SLC25A16: variants seen among roughly 807,000 people sequenced by gnomAD.
SLC25A16 encodes the protein solute carrier family 25 member 16.
A neutral mutation model predicts 41.5 loss-of-function variants in SLC25A16; 39 were observed. The ratio of observed to expected loss-of-function variants is 0.94; its 90% CI spans 0.73 to 1.23. SLC25A16 has a LOEUF of 1.23. Ranked by LOEUF, SLC25A16 falls within the 50% of genes most tolerant of loss-of-function variation. The pLI is 0.00. For synonymous variants in SLC25A16, 146 were observed against 147.8 expected, an observed-to-expected ratio of 0.99 and a Z score of 0.09; for missense variants, 421 against 426.9, an observed-to-expected ratio of 0.99 and a Z score of 0.12.
chr10:68,516,926 C>T (rs938198918), intron 1 of SLC25A16, 83 bp from the exon 2 acceptor site: 6 of 1,171,846 alleles, frequency 5.1e-6, no homozygotes, highest in Non-Finnish European at 5.0e-6. Context: ...GCCAGCAAAC[C>T]CTCTAATCTC....
rs1182041425 is a variant in SLC25A16 at position 68,493,578 on chromosome 10, G to A, written c.422-8C>T. The stretch of plus-strand genomic sequence containing the variant: ...AGATAACTGCTGTCATACCTGAAAA[G>A]AAAGTAGAAATTTAGAGGTACAATG... On this transcript the variant is annotated splice_polypyrimidine_tract_variant and splice_region_variant and intron_variant, in intron 4 of 8. Transcript: ENST00000609923. The A allele has an allele frequency of 6.2e-7, 1 of 1,609,144 alleles. No homozygotes were observed. Among genetic ancestry groups the A allele is most frequent in the South Asian group, 1.1e-5 (1 of 90,794 alleles).
chr10:68,493,643 T>A (rs1229525203), intron 4 of SLC25A16, 73 bp from the exon 5 acceptor site: 1 of 1,162,992 alleles, frequency 8.6e-7, no homozygotes, highest in African/African-American at 1.5e-5. Flanking sequence ...TCATTAGTAT[T>A]ATTCTCAATA....
intron 2 of SLC25A16, among the ~76,000 whole-genome samples, chr10:68,511,749 G>A (rs1272701032): frequency 6.6e-6 from 1 of 152,086 alleles, no homozygotes; most frequent in South Asian, 2.1e-4. Flanking sequence ...CTGGAGTGCA[G>A]TGGCACAATC....
intron 1 of SLC25A16, among the ~76,000 whole-genome samples, chr10:68,523,897 G>A (rs564502077): frequency 3.3e-5 from 5 of 152,208 alleles, no homozygotes; most frequent in African/African-American, 9.6e-5. Context: ...CCACGGGTTC[G>A]AGACCAGCCT....
rs546269221 is a variant in SLC25A16 at position 68,503,823 on chromosome 10, G to A, written c.358-128C>T. 149 of 667,982 alleles carry A rather than the reference G, an allele frequency of 2.2e-4. 1 individual carries two copies. The highest frequency in any genetic ancestry group is 2.2e-3 in the African/African-American group (123 of 55,402). The allele number at this position is 667,982 out of a possible 1,614,324, so 41.4% of individuals were successfully genotyped here. Reference sequence around the variant, plus strand: ...AAGGAAATTAATAATAAATGTGAACGAAATGAGCACAATTAAATACAGCTT... The same window carrying A: ...AAGGAAATTAATAATAAATGTGAACAAAATGAGCACAATTAAATACAGCTT... On this transcript the variant is annotated intron_variant, in intron 3 of 8. Transcript: ENST00000609923.
chr10:68,483,332 G>C lies in SLC25A16; in HGVS notation c.*100C>G. ...AAAATACCAGTGGCTCTTGTGACAG[G>C]GTAAATATCCCCATTCAAGTAATGT... On this transcript the variant is annotated 3_prime_UTR_variant, in exon 9 of 9. Transcript: ENST00000609923. The C allele has an allele frequency of 1.3e-6, 1 of 756,414 alleles. No individual in the cohort carries two copies. Among genetic ancestry groups the C allele is most frequent in the Non-Finnish European group, 2.1e-6 (1 of 481,706 alleles). The allele number at this position is 756,414 out of a possible 1,614,324, so 46.9% of individuals were successfully genotyped here. A position where few individuals can be genotyped will look rare whatever the true frequency, so the allele number is the denominator to read the frequency against.
chr10:68,486,471 A>G (rs533151821), intron 8 of SLC25A16, among the ~76,000 whole-genome samples: 64 of 151,702 alleles, frequency 4.2e-4, no homozygotes, highest in African/African-American at 1.5e-3. Context: ...TCTGTCGCCA[A>G]ATTGGCTCAC....
chr10:68,520,747 G>A (rs548013445), intron 1 of SLC25A16, among the ~76,000 whole-genome samples: 1 of 150,660 alleles, frequency 6.6e-6, no homozygotes, highest in South Asian at 2.1e-4. Flanking sequence ...AGGAGGCAGA[G>A]GTTGCAGTGA....
In SLC25A16 at chr10:68,527,285, G is replaced by C. The variant is rs2053352893; in HGVS notation, c.91C>G (p.Arg31Gly). The C allele has an allele frequency of 5.8e-6, 9 of 1,548,336 alleles. No homozygotes were observed. Among genetic ancestry groups the C allele is most frequent in the South Asian group, 2.4e-5 (2 of 84,048 alleles). Reference sequence around the variant, plus strand: ...GAGCGCAGCCAGTAGAAGTCTCTGCGGGTTGTGGGCCCTCCGGCCCCTGCC... The same window carrying C: ...GAGCGCAGCCAGTAGAAGTCTCTGCCGGTTGTGGGCCCTCCGGCCCCTGCC... ...QAAGAGGPTT[R>G]RDFYWLRSFL... is the part of the protein sequence containing the mutation. The change falls in exon 1 of 9, where the codon CGC becomes GGC. Residue 31 changes from arginine to glycine, a missense_variant. Arg to Gly is a moderately radical substitution (Grantham distance 125). Coordinates refer to ENST00000609923, the MANE Select transcript of SLC25A16 (RefSeq NM_152707.4).
At chr10:68,484,693 TCC>T (rs1460705432) in intron 8 of SLC25A16, among the ~76,000 whole-genome samples, 2 of 152,076 alleles carry the variant, frequency 1.3e-5, no homozygotes, top group African/African-American at 4.8e-5. Flanking sequence ...CAAGTGAACC[TCC>T]CACCTCAGCC....
chr10:68,485,730 A>G (rs1486908016), intron 8 of SLC25A16, among the ~76,000 whole-genome samples: 1 of 150,880 alleles, frequency 6.6e-6, no homozygotes, highest in African/African-American at 2.4e-5. Flanking sequence ...GCTGGAGTAC[A>G]GTGGCGCCAT....
chr10:68,516,969 G>A lies in SLC25A16; in HGVS notation c.131-126C>T, dbSNP rs184514296. On this transcript the variant is annotated intron_variant, in intron 1 of 8. Transcript: ENST00000609923. ...GTCTCCATGAGTAAATCTGCCCACA[G>A]CGTATAGATATGCAGATGACTGGTC... 5 of 1,016,850 alleles carry A rather than the reference G, an allele frequency of 4.9e-6. No homozygotes were observed. In the Admixed American group the frequency reaches 1.1e-4, roughly 22 times the overall value. 63.0% of individuals were successfully genotyped at this position (1,016,850 alleles called of 1,614,324 possible). A position where few individuals can be genotyped will look rare whatever the true frequency, so the allele number is the denominator to read the frequency against.
At chr10:68,510,169 G>C in intron 2 of SLC25A16, among the ~76,000 whole-genome samples, 1 of 152,162 alleles carries the variant, frequency 6.6e-6, no homozygotes, top group South Asian at 2.1e-4. Flanking sequence ...ATAAAAAGTC[G>C]GAGTAGAAGT....
At chr10:68,521,134 A>C (rs1590129305) in intron 1 of SLC25A16, among the ~76,000 whole-genome samples, 1 of 86,698 alleles carries the variant, frequency 1.2e-5, no homozygotes, top group African/African-American at 5.9e-5. Context: ...CTCCGTCTCC[A>C]AAAAAAAAAG....
At position 68,483,531 on chromosome 10, in the gene SLC25A16, G is replaced by A; in HGVS notation, c.900C>T (p.Leu300=). The change falls in exon 9 of 9, where the codon CTC becomes CTT. Residue 300 remains leucine, a synonymous_variant. Coordinates refer to ENST00000609923, the MANE Select transcript of SLC25A16 (RefSeq NM_152707.4). ...TGTAATTAAGAGATAAACCACGATAGAGTCCTTTTCGAATTCCATGGTGTC... is the reference window on the plus strand; with the variant it reads ...TGTAATTAAGAGATAAACCACGATAAAGTCCTTTTCGAATTCCATGGTGTC... ...VYGHHGIRKG[L]YRGLSLNYIR... is the part of the protein sequence containing the mutation. 6.2e-7 allele frequency: 1 copy of A among 1,611,666 alleles called. No homozygotes were observed. Among genetic ancestry groups the A allele is most frequent in the African/African-American group, 1.3e-5 (1 of 75,000 alleles).
At chr10:68,485,523 A>T (rs1035925326) in intron 8 of SLC25A16, among the ~76,000 whole-genome samples, 8 of 151,242 alleles carry the variant, frequency 5.3e-5, no homozygotes, top group Non-Finnish European at 1.0e-4. Context: ...AGCTGGTATG[A>T]CAGGCACCTG....
intron 4 of SLC25A16, among the ~76,000 whole-genome samples, chr10:68,494,750 G>A (rs1205022755): frequency 3.6e-5 from 5 of 139,534 alleles, no homozygotes; most frequent in South Asian, 4.8e-4. Flanking sequence ...GGTGGCACGC[G>A]CCTGTAGTCC....
At chr10:68,484,816 G>A (rs1007937124) in intron 8 of SLC25A16, among the ~76,000 whole-genome samples, 2 of 152,050 alleles carry the variant, frequency 1.3e-5, no homozygotes, top group Non-Finnish European at 2.9e-5. Context: ...CTTCCCCTGA[G>A]AGACAACATA....
chr10:68,510,265 C>A (rs79096616), intron 2 of SLC25A16, among the ~76,000 whole-genome samples: 2 of 151,896 alleles, frequency 1.3e-5, no homozygotes, highest in Non-Finnish European at 2.9e-5. Context: ...GGCACAGTGG[C>A]TGACGCCTGT....
Sources: allele counts gnomAD v4.1 joint callset (sites outside exome capture counted in the v4.1 genomes callset), GRCh38; gene constraint gnomAD v4.1.1; transcripts MANE v1.5; gene names NCBI Gene and HGNC (gene_info 2026-07-23, HGNC 2026-07-21).